The following MRTFB variants were observed in gnomAD, a reference collection of about 807,000 sequenced individuals.
MRTFB encodes the protein myocardin related transcription factor B, also known as myocardin-related transcription factor B.
MRTFB carries 29 observed loss-of-function variants against 104.2 expected under a neutral mutation model. The observed-to-expected ratio is 0.28, with a 90% confidence interval of 0.21 to 0.38. The LOEUF is 0.38. MRTFB is among the 10% of genes least tolerant of loss of function. The pLI is 1.00. For missense variants in MRTFB, 1,270 were observed against 1,341.6 expected, an observed-to-expected ratio of 0.95 and a Z score of 0.83; for synonymous variants, 535 against 519.5, an observed-to-expected ratio of 1.03 and a Z score of -0.41.
chr16:14,121,753 T>G (rs2036856049), intron 2 of MRTFB, among the ~76,000 whole-genome samples: 1 of 152,222 alleles, frequency 6.6e-6, no homozygotes, highest in Non-Finnish European at 1.5e-5. Context: ...GGGTGTAGAA[T>G]AGCACTCCCC....
At chr16:14,223,585 T>G (rs115110094) in intron 8 of MRTFB, among the ~76,000 whole-genome samples, 3,690 of 152,098 alleles carry the variant, frequency 0.024, 63 homozygotes, top group Middle Eastern at 0.079. Flanking sequence ...ATTGAAAAAT[T>G]CACTAGAGGC....
upstream of MRTFB, among the ~76,000 whole-genome samples, chr16:14,071,106 C>T (rs987131681): frequency 6.9e-4 from 105 of 152,290 alleles, 1 homozygote; most frequent in Non-Finnish European, 3.2e-4. Context: ...GAGAAGGAGG[C>T]GGCCGCCTCG....
chr16:14,160,236 A>AT (rs60561825), intron 3 of MRTFB, among the ~76,000 whole-genome samples: 2 of 151,908 alleles, frequency 1.3e-5, no homozygotes, highest in African/African-American at 4.8e-5. Flanking sequence ...ACCTTTAAAA[A>AT]TTTTTTTTCA....
At chr16:14,185,366 A>C (rs2039917216) in intron 3 of MRTFB, among the ~76,000 whole-genome samples, 1 of 152,194 alleles carries the variant, frequency 6.6e-6, no homozygotes. Flanking sequence ...GGTGGAAAGA[A>C]TATTGATTTT....
intron 6 of MRTFB, among the ~76,000 whole-genome samples, chr16:14,214,330 G>T (rs1335503923): frequency 6.6e-6 from 1 of 152,090 alleles, no homozygotes; most frequent in East Asian, 1.9e-4. Context: ...GGTAGTCTTG[G>T]GTGTGTTAAG....
At chr16:14,250,087 T>C (rs1054613425) in intron 13 of MRTFB, among the ~76,000 whole-genome samples, 4 of 152,180 alleles carry the variant, frequency 2.6e-5, no homozygotes, top group African/African-American at 4.8e-5. Flanking sequence ...AAAAATAATA[T>C]GTAGATAGGA....
chr16:14,129,101 T>C (rs748974228), intron 2 of MRTFB, among the ~76,000 whole-genome samples: 6 of 152,260 alleles, frequency 3.9e-5, no homozygotes, highest in Non-Finnish European at 8.8e-5. Flanking sequence ...TTCATTCCTC[T>C]TATTACTCAG....
In MRTFB at chr16:14,260,917, C is replaced by G. The variant is rs1330813429; in HGVS notation, c.2773C>G (p.Leu925Val). Residue 925 changes from leucine (L) to valine (V), a missense_variant, in exon 17 of 17, where the codon CTC (leucine) becomes GTC (valine). This residue lies in a region of MRTFB where 1,144 missense variants were observed against 1,131.5 expected (regional missense o/e 1.01). Coordinates refer to ENST00000571589, the MANE Select transcript of MRTFB (RefSeq NM_001308142.2). ...TCATTTATTTTACACAGAGATCTCC[C>G]TCCCCATAAAAGAAGAACCTTCTCC... is the stretch of plus-strand genomic sequence containing the variant. ...DILIKSGEIS[L>V]PIKEEPSPIS... 22 of 1,600,326 alleles carry G rather than the reference C, an allele frequency of 1.4e-5. No homozygotes were observed. Among genetic ancestry groups the G allele is most frequent in the Non-Finnish European group, 1.7e-5 (20 of 1,172,864 alleles).
At chr16:14,069,395 T>C (rs2033563519), upstream of MRTFB, among the ~76,000 whole-genome samples, 1 of 152,248 alleles carries the variant, frequency 6.6e-6, no homozygotes, top group Non-Finnish European at 1.5e-5. Flanking sequence ...GCGACTGAGC[T>C]ATGTCACCAG....
chr16:14,054,615 A>G, the MRTFB span, among the ~76,000 whole-genome samples: 2 of 152,232 alleles, frequency 1.3e-5, no homozygotes, highest in Admixed American at 6.5e-5. Context: ...TACAGCTCAC[A>G]ATGATTTGAT....
At chr16:14,095,966 T>C (rs893290216) in intron 2 of MRTFB, among the ~76,000 whole-genome samples, 2 of 152,202 alleles carry the variant, frequency 1.3e-5, no homozygotes, top group Non-Finnish European at 2.9e-5. Flanking sequence ...CAGGGAATCA[T>C]GTCAGGCAAA....
At chr16:14,239,466 A>C (rs2042666263) in intron 9 of MRTFB, among the ~76,000 whole-genome samples, 1 of 152,244 alleles carries the variant, frequency 6.6e-6, no homozygotes, top group South Asian at 2.1e-4. Flanking sequence ...TCTTTGTATT[A>C]AGTTGGGTAT....
chr16:14,162,689 C>T (rs548867493), intron 3 of MRTFB, among the ~76,000 whole-genome samples: 2 of 152,282 alleles, frequency 1.3e-5, no homozygotes, highest in South Asian at 4.2e-4. Context: ...AACTACTACT[C>T]TGTGGCGTTA....
At chr16:14,149,983 GA>G (rs2038532179) in intron 3 of MRTFB, among the ~76,000 whole-genome samples, 1 of 152,176 alleles carries the variant, frequency 6.6e-6, no homozygotes, top group African/African-American at 2.4e-5. Context: ...AAGATTGAAT[GA>G]AATAAAGCAT....
At chr16:14,045,958 G>C in the MRTFB span, among the ~76,000 whole-genome samples, 1 of 152,188 alleles carries the variant, frequency 6.6e-6, no homozygotes, top group African/African-American at 2.4e-5. Flanking sequence ...GTAAAGAATA[G>C]ATACCGGAAA....
rs1013131823 is a variant in MRTFB at position 14,234,414 on chromosome 16, A to C, written c.831+131A>C. The C allele has an allele frequency of 1.9e-5, 20 of 1,055,664 alleles. No homozygotes were observed. In the African/African-American group the frequency reaches 3.2e-4, roughly 17 times the overall value. The allele number at this position is 1,055,664 out of a possible 1,614,324, so 65.4% of individuals were successfully genotyped here. A position where few individuals can be genotyped will look rare whatever the true frequency, so the allele number is the denominator to read the frequency against. On this transcript the variant is annotated intron_variant, in intron 9 of 16. Transcript: ENST00000571589. ...TTTTAGCCCAAAGTCTTAAAAACTAAGCCATGCAAAGACTTGCTAGACTGG... is the reference window on the plus strand; with the variant it reads ...TTTTAGCCCAAAGTCTTAAAAACTACGCCATGCAAAGACTTGCTAGACTGG...
intron 2 of MRTFB, among the ~76,000 whole-genome samples, chr16:14,096,104 T>C (rs1453940643): frequency 1.3e-5 from 2 of 151,282 alleles, no homozygotes; most frequent in East Asian, 3.9e-4. Flanking sequence ...TTGAGACAAG[T>C]CTCGCTCTGT....
chr16:14,098,287 A>T (rs995224494), intron 2 of MRTFB, among the ~76,000 whole-genome samples: 8 of 152,310 alleles, frequency 5.3e-5, no homozygotes, highest in African/African-American at 1.9e-4. Flanking sequence ...ATAGATGTGT[A>T]GAAGTAGCTC....
chr16:14,119,558 T>G (rs2036732986), intron 2 of MRTFB, among the ~76,000 whole-genome samples: 1 of 152,164 alleles, frequency 6.6e-6, no homozygotes, highest in Admixed American at 6.5e-5. Flanking sequence ...TAAATTTTAC[T>G]AGGAAATAGT....
Sources: gnomAD v4.1 joint callset for allele counts (sites outside exome capture counted in the v4.1 genomes callset) on GRCh38, gnomAD v4.1.1 for gene constraint, gnomAD v4.1.1 regional missense constraint, MANE v1.5 for transcripts, NCBI Gene and HGNC (gene_info 2026-07-23, HGNC 2026-07-21) for gene names.